ETV1: variants seen among roughly 807,000 people sequenced by gnomAD.
The protein encoded by ETV1 is ETS translocation variant 1.
In ETV1, 27 loss-of-function variants were observed where a neutral mutation model predicts 62.3. The observed-to-expected ratio is 0.43, with a 90% CI of 0.32 to 0.60. ETV1 has a LOEUF of 0.60. ETV1 is among the 20% of genes least tolerant of loss of function. The probability of loss-of-function intolerance (pLI) is 0.06; values close to 1 mark genes in which losing one functional copy is unlikely to be tolerated. For synonymous variants in ETV1, 222 were observed against 199.6 expected (o/e 1.11, Z -0.94); for missense variants, 605 against 605.8 (o/e 1.00, Z 0.01).
At chr7:13,978,665 A>T (rs1045233340) in intron 5 of ETV1, among the ~76,000 whole-genome samples, 7 of 152,034 alleles carry the variant, frequency 4.6e-5, no homozygotes, top group Non-Finnish European at 8.8e-5. Context: ...CAGGTTGGTA[A>T]CTGAATGGCT....
intron 6 of ETV1, among the ~76,000 whole-genome samples, chr7:13,952,046 AAAATAAATAAAT>A (rs79453893): frequency 6.6e-6 from 1 of 151,918 alleles, no homozygotes; most frequent in African/African-American, 2.4e-5. Flanking sequence ...CACTAAGAGC[AAAATAAATAAAT>A]AAATAAATAA....
chr7:13,936,946 G>T (rs867889093), intron 7 of ETV1, among the ~76,000 whole-genome samples: 1 of 152,098 alleles, frequency 6.6e-6, no homozygotes, highest in Admixed American at 6.6e-5. Flanking sequence ...CGAGACTGAG[G>T]TGAGAGGATC....
chr7:13,903,158 G>A, intron 12 of ETV1, among the ~76,000 whole-genome samples: 1 of 152,142 alleles, frequency 6.6e-6, no homozygotes, highest in East Asian at 1.9e-4. Flanking sequence ...TGGGAAAAAT[G>A]GTGGGAAAAC....
chr7:13,941,907 A>G (rs868458786), intron 6 of ETV1, among the ~76,000 whole-genome samples: 3 of 141,724 alleles, frequency 2.1e-5, no homozygotes, highest in African/African-American at 7.8e-5. Flanking sequence ...ATAAATAAAT[A>G]AAGTAAGAAA....
chr7:13,909,468 G>A (rs555094931), intron 11 of ETV1, among the ~76,000 whole-genome samples, 164 bp downstream of exon 11: 41 of 152,274 alleles, frequency 2.7e-4, no homozygotes, highest in African/African-American at 9.9e-4. Flanking sequence ...ACTGGGGCAA[G>A]GAAGAGATAA....
intron 6 of ETV1, among the ~76,000 whole-genome samples, chr7:13,972,096 C>A (rs1238696036): frequency 6.6e-6 from 1 of 150,874 alleles, no homozygotes; most frequent in African/African-American, 2.4e-5. Flanking sequence ...GATGATACAG[C>A]GAGACTCTGT....
intron 5 of ETV1, among the ~76,000 whole-genome samples, chr7:13,981,830 A>T (rs990570576): frequency 6.6e-6 from 1 of 152,038 alleles, no homozygotes; most frequent in Non-Finnish European, 1.5e-5. Flanking sequence ...ATTTTATTTC[A>T]AATAAGAAGT....
intron 6 of ETV1, among the ~76,000 whole-genome samples, chr7:13,975,591 A>T (rs958917492): frequency 2.8e-5 from 1 of 35,654 alleles, no homozygotes; most frequent in South Asian, 6.3e-4. Flanking sequence ...AAAAGAAAAG[A>T]AAAAAAAAAA....
intron 13 of ETV1, among the ~76,000 whole-genome samples, chr7:13,897,660 C>T (rs141456982): frequency 7.4e-4 from 113 of 152,174 alleles, no homozygotes; most frequent in African/African-American, 2.0e-3. Context: ...AGGAGTCTGG[C>T]ATACATTTAT....
intron 6 of ETV1, among the ~76,000 whole-genome samples, chr7:13,962,981 C>T (rs747914770): frequency 1.3e-5 from 2 of 152,024 alleles, no homozygotes; most frequent in Non-Finnish European, 2.9e-5. Flanking sequence ...CAACTTTGTA[C>T]ATTTTACTGG....
rs1162836854 is a variant in ETV1, at chr7:13,989,631, C to A, written c.-353G>T. 1.5e-5 allele frequency: 6 copies of A among 398,994 alleles called. No individual in the cohort carries two copies. Among genetic ancestry groups the A allele is most frequent in the Non-Finnish European group, 2.2e-5 (5 of 226,160 alleles). 24.7% of individuals were successfully genotyped at this position (398,994 alleles called of 1,614,324 possible). ...AATTTAATAAAAACATTAATTATAG[C>A]CCAGCACTTCCCCCTTGGAAGCCGA... On this transcript the variant is annotated 5_prime_UTR_variant, in exon 1 of 14. Transcript: ENST00000430479.
chr7:13,920,339 T>A (rs995642831), intron 9 of ETV1, among the ~76,000 whole-genome samples: 9 of 152,134 alleles, frequency 5.9e-5, no homozygotes, highest in Non-Finnish European at 1.2e-4. Flanking sequence ...GCAGGACCAA[T>A]GAGCATTAAT....
intron 9 of ETV1, among the ~76,000 whole-genome samples, chr7:13,924,578 G>C (rs60715239): frequency 1.1e-3 from 174 of 152,136 alleles, no homozygotes; most frequent in African/African-American, 3.7e-3. Context: ...AGCACACCTC[G>C]TATCTTCAAG....
intron 5 of ETV1, among the ~76,000 whole-genome samples, chr7:13,983,107 C>T (rs939161301): frequency 3.3e-5 from 5 of 151,960 alleles, no homozygotes; most frequent in African/African-American, 9.7e-5. Flanking sequence ...AAAACTCCTA[C>T]TCGAAGTGTG....
At position 13,935,776 on chromosome 7, in the gene ETV1, G is replaced by A. The variant is rs1478950189; in HGVS notation, c.486C>T (p.Asp162=). The A allele has an allele frequency of 1.3e-5, 21 of 1,613,908 alleles. No individual in the cohort carries two copies. The highest frequency in any genetic ancestry group is 1.8e-5 in the Non-Finnish European group (21 of 1,179,874). The change falls in exon 8 of 14, where the codon GAC becomes GAT. Residue 162 remains aspartate, a synonymous_variant. Coordinates refer to ENST00000430479, the MANE Select transcript of ETV1 (RefSeq NM_004956.5). ...SPNSTHTPKP[D]RAFPAHLPPS... is the part of the protein sequence containing the mutation. ...GAGGGAGGTGAGCTGGGAAGGCCCG[G>A]TCAGGTTTCGGTGTATGAGTTGAGT... is the stretch of plus-strand genomic sequence containing the variant.
chr7:13,981,240 T>C (rs1781953819), intron 5 of ETV1, among the ~76,000 whole-genome samples: 1 of 152,102 alleles, frequency 6.6e-6, no homozygotes, highest in Non-Finnish European at 1.5e-5. Flanking sequence ...GAGTCATTCT[T>C]TCTGCCCGTG....
intron 10 of ETV1, 127 bp from the exon 11 acceptor site, chr7:13,909,827 C>G (rs1783383926): frequency 2.7e-6 from 2 of 748,638 alleles, no homozygotes; most frequent in African/African-American, 3.5e-5. Context: ...GTTCCTTGAG[C>G]CCTGGACACA....
chr7:13,964,279 T>C (rs554842241), intron 6 of ETV1, among the ~76,000 whole-genome samples: 1 of 152,282 alleles, frequency 6.6e-6, no homozygotes, highest in South Asian at 2.1e-4. Context: ...ATACTACCCA[T>C]ACATCTTTAT....
At chr7:13,927,525 ATGTG>A (rs1785571844) in intron 9 of ETV1, among the ~76,000 whole-genome samples, 1 of 152,200 alleles carries the variant, frequency 6.6e-6, no homozygotes, top group African/African-American at 2.4e-5. Context: ...GTGCTTCCTA[ATGTG>A]CTATTTGTTC....
Sources: allele counts gnomAD v4.1 joint callset (sites outside exome capture counted in the v4.1 genomes callset), GRCh38; gene constraint gnomAD v4.1.1; transcripts MANE v1.5; gene names NCBI Gene and HGNC (gene_info 2026-07-23, HGNC 2026-07-21).